Variants in SETD4 observed in about 807,000 individuals in gnomAD.
SETD4 encodes SET domain containing 4.
Under a neutral mutation model 58.3 loss-of-function variants are expected in SETD4, and 46 were observed. The observed-to-expected ratio is 0.79, with a 90% CI of 0.62 to 1.01. The LOEUF (loss-of-function observed/expected upper bound fraction) is 1.01, where lower values mean the gene tolerates loss of function less well. Ranked by LOEUF, SETD4 falls within the 50% of genes least tolerant of loss-of-function variation. SETD4 has a pLI of 0.00. For synonymous variants in SETD4, 190 were observed against 202.6 expected, an observed-to-expected ratio of 0.94 and a Z score of 0.53; for missense variants, 490 against 523.3, an observed-to-expected ratio of 0.94 and a Z score of 0.62.
chr21:36,054,091 C>T (rs1012532326), intron 3 of SETD4, among the ~76,000 whole-genome samples: 3 of 152,188 alleles, frequency 2.0e-5, no homozygotes, highest in African/African-American at 7.2e-5. Flanking sequence ...CAAGTCCCCA[C>T]AAAGCCTGCA....
intron 9 of SETD4, among the ~76,000 whole-genome samples, 158 bp from the exon 10 acceptor site, chr21:36,038,431 C>A (rs573965557): frequency 2.0e-4 from 30 of 152,184 alleles, no homozygotes; most frequent in Middle Eastern, 3.2e-3. Flanking sequence ...CCACTTGCAG[C>A]TCCCATGTGG....
At chr21:36,053,246 G>C in intron 4 of SETD4, 1 of 332,502 alleles carries the variant, frequency 3.0e-6, no homozygotes, top group Non-Finnish European at 5.6e-6. Flanking sequence ...AACCTGACCT[G>C]AGGGTGCAGT....
At position 36,045,814 on chromosome 21, in the gene SETD4, T is replaced by A; in HGVS notation, c.494A>T (p.His165Leu). 6.2e-7 allele frequency: 1 copy of A among 1,614,186 alleles called. No homozygotes were observed. Among genetic ancestry groups the A allele is most frequent in the Non-Finnish European group, 8.5e-7 (1 of 1,180,040 alleles). Reference sequence around the variant, plus strand: ...GGAGGAAGCAAAGAACTCCTGCACGTGGGCTCTCTGCTCTTCAGCCTTTGC... The same window carrying A: ...GGAGGAAGCAAAGAACTCCTGCACGAGGGCTCTCTGCTCTTCAGCCTTTGC... Reference protein sequence around the residue: ...LKAKAEEQRAHVQEFFASSRD... With the variant: ...LKAKAEEQRALVQEFFASSRD... The change falls in exon 6 of 12, where the codon CAC (histidine) becomes CTC (leucine). Residue 165 changes from histidine (H) to leucine (L), a missense_variant. His to Leu is a moderately conservative substitution (Grantham distance 99). Coordinates refer to ENST00000332131, the MANE Select transcript of SETD4 (RefSeq NM_017438.5).
intron 7 of SETD4, chr21:36,043,518 C>T: frequency 7.7e-7 from 1 of 1,296,020 alleles, no homozygotes; most frequent in Non-Finnish European, 9.8e-7. Flanking sequence ...TATTTATTTC[C>T]TTAGCAGTTT....
chr21:36,048,060 G>C (rs972742078), intron 5 of SETD4, among the ~76,000 whole-genome samples: 7 of 144,312 alleles, frequency 4.9e-5, no homozygotes, highest in African/African-American at 2.6e-5. Flanking sequence ...AGGAAGAGAG[G>C]GAGGGAGGGA....
At chr21:36,059,928 C>A in intron 1 of SETD4, 1 of 985,424 alleles carries the variant, frequency 1.0e-6, no homozygotes, top group Non-Finnish European at 1.2e-6. Flanking sequence ...CCAAGACTCC[C>A]GGGCCCTCGC....
At chr21:36,054,296 A>G (rs1479249968) in intron 3 of SETD4, among the ~76,000 whole-genome samples, 1 of 152,202 alleles carries the variant, frequency 6.6e-6, no homozygotes, top group Non-Finnish European at 1.5e-5. Flanking sequence ...ATTAATACCA[A>G]CTTCCAGAAG....
intron 4 of SETD4, chr21:36,051,355 A>C: frequency 6.5e-7 from 1 of 1,550,352 alleles, no homozygotes; most frequent in Non-Finnish European, 8.8e-7. Context: ...CTAGCCAATG[A>C]AATCAAACTA....
chr21:36,050,589 CAT>C (rs2064620400), intron 4 of SETD4: 1 of 1,613,576 alleles, frequency 6.2e-7, no homozygotes, highest in Non-Finnish European at 8.5e-7. Context: ...GTTGGCTGGC[CAT>C]GGTGTTCCTC....
At chr21:36,057,521 A>G in intron 2 of SETD4, 1 of 551,502 alleles carries the variant, frequency 1.8e-6, no homozygotes, top group East Asian at 2.9e-5. Context: ...GAGGACCACC[A>G]CTGTACATGT....
chr21:36,050,193 G>A (rs2123693457), intron 4 of SETD4: 4 of 1,138,302 alleles, frequency 3.5e-6, no homozygotes, highest in Middle Eastern at 3.9e-4. Context: ...AACAATCCAG[G>A]CAAGGAAGCA....
Position 36,059,644 on chromosome 21 carries a change from C to G in SETD4, c.-37+703G>C, listed in dbSNP as rs143348030. On this transcript the variant is annotated intron_variant, in intron 1 of 11. Transcript: ENST00000332131. ...CGGAAGCTGCAGCTAGACGAGATCACGCCACTGCACTCCAACCTGGGCGAC... is the reference window on the plus strand; with the variant it reads ...CGGAAGCTGCAGCTAGACGAGATCAGGCCACTGCACTCCAACCTGGGCGAC... 1.6e-3 allele frequency: 1,190 copies of G among 733,712 alleles called. 10 individuals are homozygous for G. In the African/African-American group the frequency reaches 0.02, roughly 13 times the overall value. The allele number at this position is 733,712 out of a possible 1,614,324, so 45.5% of individuals were successfully genotyped here.
chr21:36,036,361 G>A (rs1568896532), intron 10 of SETD4, 110 bp from the exon 11 acceptor site: 2 of 1,109,528 alleles, frequency 1.8e-6, no homozygotes, highest in Non-Finnish European at 2.5e-6. Flanking sequence ...GCAGCATGAA[G>A]TACATTCACA....
At position 36,050,692 on chromosome 21, in the gene SETD4, A is replaced by T. The variant is rs2064630012; in HGVS notation, c.208-2296T>A. 3 of 1,607,796 alleles carry T rather than the reference A, an allele frequency of 1.9e-6. No individual in the cohort carries two copies. In the South Asian group the frequency reaches 3.3e-5, roughly 18 times the overall value. On this transcript the variant is annotated intron_variant, in intron 4 of 11. Coordinates refer to ENST00000332131, the MANE Select transcript of SETD4 (RefSeq NM_017438.5). Reference sequence around the variant, plus strand: ...CCGGAGTTCCCAATGGTAGTAAAGAATACGCGGGGTCATAGAGGTAAAGCT... The same window carrying T: ...CCGGAGTTCCCAATGGTAGTAAAGATTACGCGGGGTCATAGAGGTAAAGCT...
rs139581918 is a variant in SETD4, at chr21:36,035,938, C to T, written c.*55G>A. 604 of 797,592 alleles carry T rather than the reference C, an allele frequency of 7.6e-4. 10 individuals carry two copies. In the East Asian group the frequency reaches 0.016, roughly 21 times the overall value. The allele number at this position is 797,592 out of a possible 1,614,324, so 49.4% of individuals were successfully genotyped here. A position where few individuals can be genotyped will look rare whatever the true frequency, so the allele number is the denominator to read the frequency against. ...GCCACCACCCCAGCCCATGATGATG[C>T]TCTTCAAAATTAACTTTTGTTTCTG... is the stretch of plus-strand genomic sequence containing the variant. On this transcript the variant is annotated 3_prime_UTR_variant, in exon 12 of 12. Coordinates refer to ENST00000332131, the MANE Select transcript of SETD4 (RefSeq NM_017438.5).
chr21:36,053,716 T>C, intron 3 of SETD4, 96 bp from the exon 4 acceptor site: 1 of 1,202,224 alleles, frequency 8.3e-7, no homozygotes, highest in South Asian at 1.3e-5. Context: ...ACTTCAAAAT[T>C]ACACAAGGCT....
chr21:36,057,048 C>A, intron 3 of SETD4, 61 bp downstream of exon 3: 2 of 1,322,044 alleles, frequency 1.5e-6, no homozygotes, highest in South Asian at 2.4e-5. Context: ...CAAGAGTGGC[C>A]CCTGCTGTCT....
At chr21:36,037,502 G>A (rs929777871) in intron 10 of SETD4, among the ~76,000 whole-genome samples, 1 of 151,532 alleles carries the variant, frequency 6.6e-6, no homozygotes, top group African/African-American at 2.4e-5. Flanking sequence ...CTACTCGGGA[G>A]GCTGAGGCAG....
At position 36,038,193 on chromosome 21, in the gene SETD4, A is replaced by G. The variant is rs1280922239; in HGVS notation, c.1145T>C (p.Ile382Thr). 9.3e-6 allele frequency: 15 copies of G among 1,613,948 alleles called. No homozygotes were observed. The highest frequency in any genetic ancestry group is 1.3e-5 in the Non-Finnish European group (15 of 1,179,966). Residue 382 changes from isoleucine to threonine, a missense_variant, in exon 10 of 12, where the codon ATA becomes ACA. Ile to Thr is a moderately conservative substitution (Grantham distance 89). Transcript: ENST00000332131. Reference sequence around the variant, plus strand: ...AGTCTCTTCTATGAAATAATAGCATATTTTCTGGGCTATGTCCAAACTTGT... The same window carrying G: ...AGTCTCTTCTATGAAATAATAGCATGTTTTCTGGGCTATGTCCAAACTTGT... The part of the protein sequence containing the change: ...EKTSLDIAQK[I>T]CYYFIEETNA...
Sources: allele counts gnomAD v4.1 joint callset (sites outside exome capture counted in the v4.1 genomes callset), GRCh38; gene constraint gnomAD v4.1.1; transcripts MANE v1.5; gene names NCBI Gene and HGNC (gene_info 2026-07-23, HGNC 2026-07-21).